ADAMTS12: variants seen among roughly 807,000 people sequenced by gnomAD.
ADAMTS12 encodes A disintegrin and metalloproteinase with thrombospondin motifs 12.
Under a neutral mutation model 167.8 loss-of-function variants are expected in ADAMTS12, and 118 were observed. The ratio of observed to expected loss-of-function variants is 0.70; its 90% CI spans 0.61 to 0.82. The LOEUF (loss-of-function observed/expected upper bound fraction) is 0.82. Ranked by LOEUF, ADAMTS12 falls within the 40% of genes least tolerant of loss-of-function variation. The pLI is 0.00. For synonymous variants in ADAMTS12, 704 were observed against 716.9 expected, an observed-to-expected ratio of 0.98 and a Z score of 0.29; for missense variants, 1,916 against 1,998.8, an observed-to-expected ratio of 0.96 and a Z score of 0.79.
At chr5:33,561,285 G>A in intron 19 of ADAMTS12, 106 bp from the exon 20 acceptor site, 1 of 1,369,398 alleles carries the variant, frequency 7.3e-7, no homozygotes, top group Non-Finnish European at 9.8e-7. Flanking sequence ...TGCTAACATT[G>A]CCCACAGAGC....
At chr5:33,613,558 A>C (rs1738835933) in intron 16 of ADAMTS12, among the ~76,000 whole-genome samples, 1 of 152,142 alleles carries the variant, frequency 6.6e-6, no homozygotes, top group Non-Finnish European at 1.5e-5. Context: ...TTCTTTCCTT[A>C]CGGGGCAAGC....
chr5:33,558,573 T>C (rs1179841880), intron 20 of ADAMTS12, among the ~76,000 whole-genome samples: 2 of 152,138 alleles, frequency 1.3e-5, no homozygotes, highest in African/African-American at 4.8e-5. Flanking sequence ...AGGCTTTCCT[T>C]AGGAGGCCGG....
chr5:33,665,916 C>T (rs1212467923), intron 5 of ADAMTS12, among the ~76,000 whole-genome samples: 4 of 152,180 alleles, frequency 2.6e-5, no homozygotes, highest in Non-Finnish European at 1.5e-5. Flanking sequence ...ATTCACACTT[C>T]GGCTACAACA....
intron 2 of ADAMTS12, among the ~76,000 whole-genome samples, chr5:33,879,314 G>A (rs144566298): frequency 1.5e-4 from 23 of 152,106 alleles, no homozygotes; most frequent in African/African-American, 4.6e-4. Flanking sequence ...TGATTCTGCA[G>A]GTCCACAGAC....
At chr5:33,650,637 G>A (rs778786916) in intron 7 of ADAMTS12, among the ~76,000 whole-genome samples, 1 of 152,186 alleles carries the variant, frequency 6.6e-6, no homozygotes, top group Admixed American at 6.5e-5. Context: ...CATTGCCAGG[G>A]CTGACCCAGT....
At chr5:33,666,040 T>C (rs1741453131) in intron 5 of ADAMTS12, among the ~76,000 whole-genome samples, 1 of 152,228 alleles carries the variant, frequency 6.6e-6, no homozygotes, top group Non-Finnish European at 1.5e-5. Context: ...TAAAGGGTAT[T>C]TAAACTCCCC....
At chr5:33,745,990 A>G (rs923796145) in intron 3 of ADAMTS12, among the ~76,000 whole-genome samples, 3 of 152,190 alleles carry the variant, frequency 2.0e-5, no homozygotes, top group Admixed American at 2.0e-4. Flanking sequence ...CTTACGGCAG[A>G]TAATAATAAT....
In ADAMTS12 at chr5:33,552,127, T is replaced by C. The variant is rs942304006; in HGVS notation, c.4126-2744A>G. Among the ~76,000 whole-genome samples the C allele has an allele frequency of 2.0e-5, 3 of 152,178 alleles. No homozygotes were observed. The East Asian group carries it at 5.8e-4, about 29-fold the overall frequency. The stretch of plus-strand genomic sequence containing the variant: ...CAGCAAATTGAGTTAGAATGAAAAA[T>C]ATCCTTAGCTTACTGGGGCCACTGG... On this transcript the variant is annotated intron_variant, in intron 20 of 23. Coordinates refer to ENST00000504830, the MANE Select transcript of ADAMTS12 (RefSeq NM_030955.4).
intron 7 of ADAMTS12, among the ~76,000 whole-genome samples, chr5:33,657,896 C>T (rs1363823084): frequency 6.6e-6 from 1 of 152,160 alleles, no homozygotes; most frequent in East Asian, 1.9e-4. Context: ...TGAGTTCAAG[C>T]TTATCTCTGC....
At chr5:33,703,753 T>C (rs1268062806) in intron 3 of ADAMTS12, among the ~76,000 whole-genome samples, 1 of 152,188 alleles carries the variant, frequency 6.6e-6, no homozygotes, top group East Asian at 1.9e-4. Flanking sequence ...TAAGGGTGAA[T>C]GGTAAATTAA....
At chr5:33,665,561 A>C (rs1184590643) in intron 5 of ADAMTS12, among the ~76,000 whole-genome samples, 1 of 152,240 alleles carries the variant, frequency 6.6e-6, no homozygotes, top group Non-Finnish European at 1.5e-5. Flanking sequence ...AGAGAAATCA[A>C]GAAGAGGGAC....
At chr5:33,549,158 T>C (rs762472793) in intron 21 of ADAMTS12, 49 bp downstream of exon 21, 4 of 1,586,240 alleles carry the variant, frequency 2.5e-6, no homozygotes. Flanking sequence ...CAGAGATTCA[T>C]GGCTTGCCAG....
intron 2 of ADAMTS12, among the ~76,000 whole-genome samples, chr5:33,803,596 T>C (rs368142133): frequency 2.3e-4 from 35 of 152,288 alleles, no homozygotes; most frequent in African/African-American, 8.2e-4. Context: ...GAGACAATTG[T>C]ATTAGTCTGT....
At chr5:33,743,318 A>C (rs1473674154) in intron 3 of ADAMTS12, among the ~76,000 whole-genome samples, 2 of 152,326 alleles carry the variant, frequency 1.3e-5, no homozygotes, top group East Asian at 3.9e-4. Context: ...AGACTGGAAG[A>C]ATGCCAGAAA....
chr5:33,718,824 G>A (rs749322032), intron 3 of ADAMTS12, among the ~76,000 whole-genome samples: 15 of 152,140 alleles, frequency 9.9e-5, no homozygotes, highest in Non-Finnish European at 1.8e-4. Flanking sequence ...ACTTTCTAAC[G>A]ACGGGCACCT....
At chr5:33,701,873 T>C (rs1242904515) in intron 3 of ADAMTS12, among the ~76,000 whole-genome samples, 3 of 152,182 alleles carry the variant, frequency 2.0e-5, no homozygotes, top group African/African-American at 7.2e-5. Context: ...TTAAGCTGTT[T>C]GAAATGAAGA....
rs1450717719 is a variant in ADAMTS12 at position 33,561,107 on chromosome 5, C to T, written c.4045G>A (p.Ala1349Thr). ...ECSTQMDSDCAAIQRPDPAKR... is the reference protein window; with the variant it reads ...ECSTQMDSDCTAIQRPDPAKR... ...GCAGGGTCAGGTCTCTGGATGGCCG[C>T]ACAGTCAGAATCCATCTGGGTGCTG... Residue 1349 changes from alanine (A) to threonine (T), a missense_variant, in exon 20 of 24, where the codon GCG becomes ACG. Ala to Thr is a moderately conservative substitution (Grantham distance 58). Transcript: ENST00000504830. 1 of 1,614,018 alleles carries T rather than the reference C, an allele frequency of 6.2e-7. No individual in the cohort carries two copies. Among genetic ancestry groups the T allele is most frequent in the African/African-American group, 1.3e-5 (1 of 74,920 alleles).
intron 2 of ADAMTS12, among the ~76,000 whole-genome samples, chr5:33,757,917 C>A (rs1484539882): frequency 2.0e-5 from 3 of 152,084 alleles, no homozygotes; most frequent in South Asian, 4.2e-4. Flanking sequence ...CATCGTCTAC[C>A]GCAAACACAG....
chr5:33,523,661 C>T lies in ADAMTS12; in HGVS notation c.*3527G>A, dbSNP rs1280050079. On this transcript the variant is annotated 3_prime_UTR_variant, in exon 24 of 24. Coordinates refer to ENST00000504830, the MANE Select transcript of ADAMTS12 (RefSeq NM_030955.4). ...TAGAAGGGGAAATGGCAAAGCAGCACAGAGATGCAGGGAGGGCAATGGGCT... is the reference window on the plus strand; with the variant it reads ...TAGAAGGGGAAATGGCAAAGCAGCATAGAGATGCAGGGAGGGCAATGGGCT... The T allele has an allele frequency of 5.9e-5, 9 of 152,170 alleles. No individual in the cohort carries two copies. Among genetic ancestry groups the T allele is most frequent in the Admixed American group, 5.9e-4 (9 of 15,270 alleles). The allele number at this position is 152,170 out of a possible 1,614,324, so 9.4% of individuals were successfully genotyped here.
Sources: gnomAD v4.1 joint callset for allele counts (sites outside exome capture counted in the v4.1 genomes callset) on GRCh38, gnomAD v4.1.1 for gene constraint, MANE v1.5 for transcripts, NCBI Gene and HGNC (gene_info 2026-07-23, HGNC 2026-07-21) for gene names.